Variants in TRAPPC13 observed in about 807,000 individuals in gnomAD.
The protein encoded by TRAPPC13 is trafficking protein particle complex subunit 13, also known as REV7-interacting novel NHEJ regulator 1.
TRAPPC13 carries 39 observed loss-of-function variants against 54.0 expected under a neutral mutation model. That is an observed-to-expected ratio of 0.72 (90% CI 0.56 to 0.94). TRAPPC13 has a LOEUF of 0.94. TRAPPC13 is among the 40% of genes least tolerant of loss of function. TRAPPC13 has a pLI of 0.00. For missense variants in TRAPPC13, 386 were observed against 488.1 expected (o/e 0.79, Z 1.97); for synonymous variants, 148 against 167.7 (o/e 0.88, Z 0.91).
chr5:65,650,898 A>G lies in TRAPPC13; in HGVS notation c.501+16A>G, dbSNP rs375886804. Reference sequence around the variant, plus strand: ...CAAATTTCAGGTATTGAATATGACAATGGTAAATAGTTTTTATATGCCTTT... The same window carrying G: ...CAAATTTCAGGTATTGAATATGACAGTGGTAAATAGTTTTTATATGCCTTT... On this transcript the variant is annotated intron_variant, in intron 6 of 12. Transcript: ENST00000399438. The G allele has an allele frequency of 2.5e-5, 39 of 1,579,508 alleles. No homozygotes were observed. In the African/African-American group the frequency reaches 3.2e-4, roughly 13 times the overall value.
intron 1 of TRAPPC13, among the ~76,000 whole-genome samples, chr5:65,627,540 G>C (rs1365771729): frequency 1.3e-5 from 2 of 151,602 alleles, no homozygotes; most frequent in African/African-American, 2.4e-5. Flanking sequence ...TGAGGCACAA[G>C]AATCACTTGA....
rs1163590784 is a variant in TRAPPC13 at position 65,647,180 on chromosome 5, C to T, written c.426C>T (p.His142=). 8.9e-6 allele frequency: 14 copies of T among 1,576,672 alleles called. No homozygotes were observed. Among genetic ancestry groups the T allele is most frequent in the Admixed American group, 1.9e-5 (1 of 52,816 alleles). ...IHHEVKEIGT[H]ILVCAVSYTT... ...ATGAAGTCAAAGAAATTGGAACACA[C>T]ATGTAAGGATTAATTTTATTAGTTC... Residue 142 remains histidine (H), a splice_region_variant and synonymous_variant, in exon 5 of 13, where the codon CAC becomes CAT. Transcript: ENST00000399438.
intron 4 of TRAPPC13, among the ~76,000 whole-genome samples, chr5:65,644,234 G>T (rs1384466686): frequency 6.6e-6 from 1 of 151,912 alleles, no homozygotes; most frequent in Non-Finnish European, 1.5e-5. Context: ...ATTCCAAGTA[G>T]ACCCTTTCAA....
chr5:65,626,900 G>C (rs6887183), intron 1 of TRAPPC13, among the ~76,000 whole-genome samples: 2 of 151,874 alleles, frequency 1.3e-5, no homozygotes, highest in African/African-American at 4.8e-5. Flanking sequence ...TAGCACTTTG[G>C]GAGGCCGAGG....
chr5:65,660,686 C>T lies in TRAPPC13; in HGVS notation c.699-13C>T, dbSNP rs781350800. ...TAGAGAATTTTCTCCGTCTCTGTCT[C>T]CACCCCTCTCAGTGTGTCTACGTTT... On this transcript the variant is annotated splice_polypyrimidine_tract_variant and intron_variant, in intron 9 of 12. Transcript: ENST00000399438. 6.4e-7 allele frequency: 1 copy of T among 1,567,468 alleles called. No homozygotes were observed. Among genetic ancestry groups the T allele is most frequent in the African/African-American group, 1.4e-5 (1 of 72,800 alleles).
At position 65,635,340 on chromosome 5, in the gene TRAPPC13, C is replaced by G. The variant is rs1321559675; in HGVS notation, c.86C>G (p.Pro29Arg). The G allele has an allele frequency of 6.2e-7, 1 of 1,613,510 alleles. No homozygotes were observed. Among genetic ancestry groups the G allele is most frequent in the East Asian group, 2.2e-5 (1 of 44,844 alleles). ...LTKPTLFTNI[P>R]VTCEEKDLPG... The stretch of plus-strand genomic sequence containing the variant: ...AAGCCTACTTTATTCACCAATATCC[C>G]AGTAACATGTGAAGAGAAAGACTTA... Residue 29 changes from proline (P) to arginine (R), a missense_variant, in exon 2 of 13, where the codon CCA (proline) becomes CGA (arginine). Pro to Arg is a moderately radical substitution (Grantham distance 103). Coordinates refer to ENST00000399438, the MANE Select transcript of TRAPPC13 (RefSeq NM_024941.4).
chr5:65,630,373 G>A lies in TRAPPC13; in HGVS notation c.47-4928G>A, dbSNP rs1270132621. 3.5e-6 allele frequency: 5 copies of A among 1,447,490 alleles called. No homozygotes were observed. In the East Asian group the frequency reaches 1.0e-4, roughly 29 times the overall value. 89.7% of individuals were successfully genotyped at this position (1,447,490 alleles called of 1,614,324 possible). ...CACTGATTGTCAAAAAGAATATTCTGAATGAAATGAATATGGATTGAAATA... is the reference window on the plus strand; with the variant it reads ...CACTGATTGTCAAAAAGAATATTCTAAATGAAATGAATATGGATTGAAATA... On this transcript the variant is annotated intron_variant, in intron 1 of 12. Transcript: ENST00000399438.
chr5:65,630,432 A>G, intron 1 of TRAPPC13: 1 of 1,406,582 alleles, frequency 7.1e-7, no homozygotes, highest in Non-Finnish European at 9.2e-7. Flanking sequence ...TAAAATTTTT[A>G]ATGACTTTTT....
rs1757008067 is a variant in TRAPPC13, at chr5:65,665,511, GGTTTTACT to G, written c.*901_*908del. ...TTCAGCTACTGAACACATCAGAATT[GGTTTTACT>G]TTTTAGGTTGTTGATTTTTTTTAAT... On this transcript the variant is annotated 3_prime_UTR_variant, in exon 13 of 13. Coordinates refer to ENST00000399438, the MANE Select transcript of TRAPPC13 (RefSeq NM_024941.4). The G allele has an allele frequency of 2.0e-5, 3 of 151,702 alleles. No individual in the cohort carries two copies. The South Asian group carries it at 6.3e-4, about 32-fold the overall frequency. The allele number at this position is 151,702 out of a possible 1,614,324, so 9.4% of individuals were successfully genotyped here. A position where few individuals can be genotyped will look rare whatever the true frequency, so the allele number is the denominator to read the frequency against.
At chr5:65,662,909 C>T (rs1324109548) in intron 11 of TRAPPC13, 1 of 152,076 alleles carries the variant, frequency 6.6e-6, no homozygotes, top group Admixed American at 6.6e-5. Context: ...GTATTCATGC[C>T]TTCTCCATCA....
chr5:65,661,128 C>CAT (rs1756838047), intron 10 of TRAPPC13: 2 of 366,314 alleles, frequency 5.5e-6, no homozygotes, highest in African/African-American at 2.4e-5. Flanking sequence ...TGTTCTTTAT[C>CAT]ACACAGAAAT....
At chr5:65,629,685 G>T in intron 1 of TRAPPC13, 1 of 1,535,918 alleles carries the variant, frequency 6.5e-7, no homozygotes, top group Non-Finnish European at 8.7e-7. Flanking sequence ...TTTCCTACTC[G>T]TCCGCTATCA....
At chr5:65,632,276 G>A (rs1755577926) in intron 1 of TRAPPC13, among the ~76,000 whole-genome samples, 1 of 152,108 alleles carries the variant, frequency 6.6e-6, no homozygotes, top group African/African-American at 2.4e-5. Context: ...GATTTTAGCT[G>A]TTTAAATTGG....
In TRAPPC13 at chr5:65,660,742, A is replaced by G; in HGVS notation, c.742A>G (p.Thr248Ala). 6.2e-7 allele frequency: 1 copy of G among 1,612,248 alleles called. No homozygotes were observed. Among genetic ancestry groups the G allele is most frequent in the Non-Finnish European group, 8.5e-7 (1 of 1,178,972 alleles). The change falls in exon 10 of 13, where the codon ACA becomes GCA. Residue 248 changes from threonine to alanine, a missense_variant. Physicochemically the swap from Thr to Ala is moderately conservative, Grantham distance 58. Coordinates refer to ENST00000399438, the MANE Select transcript of TRAPPC13 (RefSeq NM_024941.4). Reference protein sequence around the residue: ...GSRAYLQPMDTRQYLYCLKPK... With the variant: ...GSRAYLQPMDARQYLYCLKPK... ...AAGAGCATATTTGCAACCAATGGAT[A>G]CACGCCAGTACTTATACTGCCTAAA...
At position 65,637,793 on chromosome 5, in the gene TRAPPC13, C is replaced by G; in HGVS notation, c.300+13C>G. 3 of 1,471,894 alleles carry G rather than the reference C, an allele frequency of 2.0e-6. No homozygotes were observed. The highest frequency in any genetic ancestry group is 2.8e-6 in the Non-Finnish European group (3 of 1,075,030). 91.2% of individuals were successfully genotyped at this position (1,471,894 alleles called of 1,614,324 possible). On this transcript the variant is annotated intron_variant, in intron 4 of 12. Coordinates refer to ENST00000399438, the MANE Select transcript of TRAPPC13 (RefSeq NM_024941.4). ...CATATTAGTAAAAGTAAGTAACATT[C>G]TTACTTGGGATGTATTTTAGTCTTT...
chr5:65,627,585 G>A (rs1156798875), intron 1 of TRAPPC13, among the ~76,000 whole-genome samples: 1 of 150,934 alleles, frequency 6.6e-6, no homozygotes, highest in Non-Finnish European at 1.5e-5. Context: ...AGCCGAGATT[G>A]TGCCACTGCA....
intron 11 of TRAPPC13, chr5:65,663,742 G>T (rs1451475657): frequency 6.6e-6 from 1 of 152,376 alleles, no homozygotes; most frequent in Non-Finnish European, 1.5e-5. Context: ...AAATAATCCA[G>T]TTAGCAAACC....
At chr5:65,630,024 C>A (rs1292647390) in intron 1 of TRAPPC13, 1 of 1,535,828 alleles carries the variant, frequency 6.5e-7, no homozygotes, top group Non-Finnish European at 8.7e-7. Flanking sequence ...AAAAACGTTT[C>A]TCCTTTGTCT....
At chr5:65,637,161 TCAAAGG>T (rs1341466664) in intron 3 of TRAPPC13, among the ~76,000 whole-genome samples, 1 of 152,202 alleles carries the variant, frequency 6.6e-6, no homozygotes, top group Non-Finnish European at 1.5e-5. Flanking sequence ...TGTACAGTAG[TCAAAGG>T]CCAAGATATA....
Sources: gnomAD v4.1 joint callset for allele counts (sites outside exome capture counted in the v4.1 genomes callset) on GRCh38, gnomAD v4.1.1 for gene constraint, MANE v1.5 for transcripts, NCBI Gene and HGNC (gene_info 2026-07-23, HGNC 2026-07-21) for gene names.